Variants in DOCK1 observed in about 807,000 individuals in gnomAD.
DOCK1 encodes the protein dedicator of cytokinesis 1, also known as dedicator of cytokinesis protein 1.
DOCK1 carries 138 observed loss-of-function variants against 262.7 expected under a neutral mutation model. The observed-to-expected ratio is 0.53, with a 90% CI of 0.46 to 0.61. DOCK1 has a LOEUF of 0.61. DOCK1 is among the 20% of genes least tolerant of loss of function. DOCK1 has a pLI of 0.00. For missense variants in DOCK1, 1,908 were observed against 2,370.7 expected, an observed-to-expected ratio of 0.80 and a Z score of 4.05; for synonymous variants, 866 against 867.4, an observed-to-expected ratio of 1.00 and a Z score of 0.03.
At chr10:127,343,161 C>T (rs2135756486) in intron 30 of DOCK1, among the ~76,000 whole-genome samples, 1 of 152,264 alleles carries the variant, frequency 6.6e-6, no homozygotes, top group Middle Eastern at 3.4e-3. Context: ...AGGAGAATTG[C>T]TTGAACCCAG....
chr10:127,240,759 A>G (rs191759477), intron 27 of DOCK1, among the ~76,000 whole-genome samples: 354 of 152,288 alleles, frequency 2.3e-3, no homozygotes, highest in African/African-American at 7.0e-3. Flanking sequence ...GAAATTCTAT[A>G]TAATATGAAA....
chr10:127,417,727 C>T (rs1264600369), intron 44 of DOCK1, among the ~76,000 whole-genome samples: 2 of 152,090 alleles, frequency 1.3e-5, no homozygotes, highest in Non-Finnish European at 2.9e-5. Flanking sequence ...AGGCATGCAC[C>T]ACCACACCTG....
chr10:127,202,292 C>T (rs996650467), intron 27 of DOCK1, among the ~76,000 whole-genome samples: 1 of 151,378 alleles, frequency 6.6e-6, no homozygotes, highest in Non-Finnish European at 1.5e-5. Context: ...CATGGCATTC[C>T]AGCCTGGGTG....
intron 29 of DOCK1, among the ~76,000 whole-genome samples, chr10:127,310,442 G>A (rs925081962): frequency 6.6e-6 from 1 of 152,162 alleles, no homozygotes; most frequent in Admixed American, 6.5e-5. Context: ...GGGCTTTGTC[G>A]CTGCCTTATT....
At chr10:127,383,938 A>G (rs1417192750) in intron 37 of DOCK1, among the ~76,000 whole-genome samples, 1 of 151,406 alleles carries the variant, frequency 6.6e-6, no homozygotes, top group South Asian at 2.1e-4. Flanking sequence ...CTTCCTGTAG[A>G]AGGGTCTTGC....
chr10:127,078,364 C>T lies in DOCK1; in HGVS notation c.2445+16588C>T, dbSNP rs1306980190. On this transcript the variant is annotated intron_variant, in intron 23 of 51. Coordinates refer to ENST00000623213, the MANE Select transcript of DOCK1 (RefSeq NM_001290223.2). ...GAGTTTTGTGGCTCTTACAAGGAGC[C>T]CCTTTGGGGGTGTGGGGCAACCTTG... Among the ~76,000 whole-genome samples, 3 of 152,060 alleles carry T rather than the reference C, an allele frequency of 2.0e-5. No individual in the cohort carries two copies. The East Asian group carries it at 5.8e-4, about 30-fold the overall frequency.
At chr10:127,078,403 C>T (rs2046695953) in intron 23 of DOCK1, among the ~76,000 whole-genome samples, 1 of 152,022 alleles carries the variant, frequency 6.6e-6, no homozygotes, top group East Asian at 1.9e-4. Flanking sequence ...CCCAGGAAGC[C>T]GCCTGGGAGA....
At chr10:126,966,253 T>C (rs895321507) in intron 1 of DOCK1, among the ~76,000 whole-genome samples, 15 of 152,350 alleles carry the variant, frequency 9.8e-5, no homozygotes, top group African/African-American at 3.1e-4. Context: ...TTTTTTTGTA[T>C]CCCTTCATTT....
chr10:127,245,081 A>G (rs2059386947), intron 27 of DOCK1, among the ~76,000 whole-genome samples: 1 of 152,208 alleles, frequency 6.6e-6, no homozygotes. Context: ...GCCCACAGAT[A>G]TGCTGCAGGG....
At position 127,061,026 on chromosome 10, in the gene DOCK1, C is replaced by T. The variant is rs188787471; in HGVS notation, c.2337-642C>T. On this transcript the variant is annotated intron_variant, in intron 22 of 51. Coordinates refer to ENST00000623213, the MANE Select transcript of DOCK1 (RefSeq NM_001290223.2). ...AGTGGATCACCTTAGGTCAGGAGTT[C>T]AAGACCAGCCTGGCCAACATGGTGT... 6.6e-3 allele frequency among the ~76,000 whole-genome samples: 1,003 copies of T among 152,266 alleles called. 6 individuals are homozygous for T. Among genetic ancestry groups the T allele is most frequent in the Middle Eastern group, 0.034 (10 of 294 alleles).
In DOCK1 at chr10:127,259,895, G is replaced by A. The variant is rs148294313; in HGVS notation, c.3044+2466G>A. ...CTGTCTTCCTCCTGCCGCCAACCCT[G>A]CGCTACGTAAGGGTTGCTGCAGCAC... On this transcript the variant is annotated intron_variant, in intron 29 of 51. Coordinates refer to ENST00000623213, the MANE Select transcript of DOCK1 (RefSeq NM_001290223.2). 4.8e-4 allele frequency among the ~76,000 whole-genome samples: 73 copies of A among 151,224 alleles called. No individual in the cohort carries two copies. In the East Asian group the frequency reaches 0.014, roughly 29 times the overall value.
At chr10:127,195,496 G>T (rs946974265) in intron 27 of DOCK1, among the ~76,000 whole-genome samples, 1 of 152,248 alleles carries the variant, frequency 6.6e-6, no homozygotes, top group African/African-American at 2.4e-5. Flanking sequence ...TCAACGGCCG[G>T]CGTCAGGGCC....
At chr10:127,385,378 G>A (rs1191813641) in intron 38 of DOCK1, among the ~76,000 whole-genome samples, 1 of 151,812 alleles carries the variant, frequency 6.6e-6, no homozygotes, top group Non-Finnish European at 1.5e-5. Flanking sequence ...TAATCAGCCA[G>A]TATTATATCT....
chr10:127,140,948 G>A (rs557997877), intron 27 of DOCK1, among the ~76,000 whole-genome samples: 2 of 152,320 alleles, frequency 1.3e-5, no homozygotes, highest in Admixed American at 6.5e-5. Context: ...GCCTGGTGGA[G>A]GGCCCATGGC....
At chr10:127,180,284 A>G (rs1207378130) in intron 27 of DOCK1, among the ~76,000 whole-genome samples, 1 of 152,144 alleles carries the variant, frequency 6.6e-6, no homozygotes, top group Non-Finnish European at 1.5e-5. Context: ...TTCTGGACTG[A>G]GCATGAAGCT....
intron 37 of DOCK1, among the ~76,000 whole-genome samples, chr10:127,382,378 A>G (rs149497337): frequency 4.6e-5 from 7 of 152,302 alleles, no homozygotes; most frequent in African/African-American, 7.2e-5. Context: ...CTGTGACACA[A>G]ATATACACAG....
intron 29 of DOCK1, among the ~76,000 whole-genome samples, chr10:127,303,964 C>A (rs185451397): frequency 9.5e-4 from 145 of 152,306 alleles, no homozygotes; most frequent in African/African-American, 3.3e-3. Context: ...GCTTATCAAC[C>A]CGAAGAATTC....
At chr10:126,928,010 T>C (rs1364630195) in intron 1 of DOCK1, among the ~76,000 whole-genome samples, 1 of 152,090 alleles carries the variant, frequency 6.6e-6, no homozygotes, top group Non-Finnish European at 1.5e-5. Flanking sequence ...GAGGGGTGTA[T>C]TGTTTCTGGA....
At chr10:127,420,251 C>T (rs990747938) in intron 46 of DOCK1, among the ~76,000 whole-genome samples, 1 of 152,164 alleles carries the variant, frequency 6.6e-6, no homozygotes, top group African/African-American at 2.4e-5. Flanking sequence ...CACTGTTCTA[C>T]TTATGCTCCT....
Sources: gnomAD v4.1 joint callset for allele counts (sites outside exome capture counted in the v4.1 genomes callset) on GRCh38, gnomAD v4.1.1 for gene constraint, MANE v1.5 for transcripts, NCBI Gene and HGNC (gene_info 2026-07-23, HGNC 2026-07-21) for gene names.